The following SCHIP1 variants were observed in gnomAD, a reference collection of about 807,000 sequenced individuals.
The protein encoded by SCHIP1 is schwannomin-interacting protein 1.
SCHIP1 carries 8 observed loss-of-function variants against 29.7 expected under a neutral mutation model. The ratio of observed to expected loss-of-function variants is 0.27; its 90% confidence interval spans 0.16 to 0.49. SCHIP1 has a LOEUF of 0.49. Among genes scored for constraint, SCHIP1 ranks in the 20% least tolerant of loss-of-function variants. The pLI, the probability that SCHIP1 is intolerant of heterozygous loss-of-function variation, is 0.99. For synonymous variants in SCHIP1, 76 were observed against 94.9 expected (o/e 0.80, Z 1.16); for missense variants, 193 against 294.6 (o/e 0.66, Z 2.52).
the SCHIP1 span, among the ~76,000 whole-genome samples, chr3:159,434,598 G>A: frequency 6.6e-6 from 1 of 152,104 alleles, no homozygotes; most frequent in Non-Finnish European, 1.5e-5. Context: ...AAAGCAGGAG[G>A]CATGAGGAAT....
chr3:159,304,231 G>A, the SCHIP1 span, among the ~76,000 whole-genome samples: 1 of 152,066 alleles, frequency 6.6e-6, no homozygotes, highest in Non-Finnish European at 1.5e-5. Context: ...ATTACTATAA[G>A]TATTTTCCAT....
At chr3:159,336,383 C>T in the SCHIP1 span, among the ~76,000 whole-genome samples, 2 of 151,988 alleles carry the variant, frequency 1.3e-5, no homozygotes, top group Admixed American at 1.3e-4. Flanking sequence ...CTTTTGTTGC[C>T]ATTTGTTTTG....
the SCHIP1 span, among the ~76,000 whole-genome samples, chr3:159,626,221 T>G: frequency 1.6e-3 from 188 of 114,884 alleles, 12 homozygotes; most frequent in African/African-American, 0.011. Context: ...TATCTAGATA[T>G]ATATATATCT....
At chr3:159,283,513 CT>C in the SCHIP1 span, among the ~76,000 whole-genome samples, 56,724 of 145,306 alleles carry the variant, frequency 0.39, 10,702 homozygotes, top group Non-Finnish European at 0.42. Context: ...GGATTATTTC[CT>C]TTTTTTTTTT....
intron 1 of SCHIP1, among the ~76,000 whole-genome samples, chr3:159,848,467 T>G (rs1365868343): frequency 3.3e-5 from 5 of 152,326 alleles, no homozygotes; most frequent in South Asian, 4.1e-4. Context: ...ATTTTGTGTT[T>G]TCCATTCCTG....
the SCHIP1 span, among the ~76,000 whole-genome samples, chr3:159,464,647 T>C: frequency 2.8e-4 from 42 of 152,336 alleles, no homozygotes; most frequent in African/African-American, 9.9e-4. Context: ...CTGTATTTCC[T>C]GTAAATGGGA....
chr3:159,887,893 C>T (rs748065484), exon 4 of SCHIP1: 35 of 1,613,830 alleles, frequency 2.2e-5, no homozygotes, highest in Middle Eastern at 1.6e-4. Flanking sequence ...AAAAGTCTCC[C>T]GTCGCTGATC....
chr3:159,713,229 A>AAAGGAAGG, the SCHIP1 span, among the ~76,000 whole-genome samples: 2 of 106,702 alleles, frequency 1.9e-5, no homozygotes, highest in African/African-American at 8.4e-5. Flanking sequence ...AGAGAGAAAG[A>AAAGGAAGG]AAGGAAGAAA....
the SCHIP1 span, among the ~76,000 whole-genome samples, chr3:159,315,393 CTTT>C: frequency 4.9e-4 from 67 of 136,302 alleles, no homozygotes; most frequent in Non-Finnish European, 7.2e-4. Flanking sequence ...TATTTTCTTT[CTTT>C]TTTTTTTTTT....
At chr3:159,589,792 C>A in the SCHIP1 span, among the ~76,000 whole-genome samples, 2 of 152,072 alleles carry the variant, frequency 1.3e-5, no homozygotes, top group African/African-American at 4.8e-5. Context: ...GTTTACTGAG[C>A]AATATTCTGT....
At chr3:159,662,909 A>G in the SCHIP1 span, among the ~76,000 whole-genome samples, 1 of 152,224 alleles carries the variant, frequency 6.6e-6, no homozygotes, top group Non-Finnish European at 1.5e-5. Flanking sequence ...CCTAGACAAT[A>G]GAATGTTCAC....
chr3:159,802,152 T>C, the SCHIP1 span, among the ~76,000 whole-genome samples: 63 of 152,378 alleles, frequency 4.1e-4, no homozygotes, highest in Non-Finnish European at 8.5e-4. Context: ...CTTTATGTGC[T>C]GGGTGCATTG....
chr3:159,436,851 C>G, the SCHIP1 span, among the ~76,000 whole-genome samples: 1 of 152,034 alleles, frequency 6.6e-6, no homozygotes, highest in South Asian at 2.1e-4. Context: ...ATGGTATATA[C>G]CAGGAGTCTA....
chr3:159,737,501 A>G, the SCHIP1 span, among the ~76,000 whole-genome samples: 4 of 152,304 alleles, frequency 2.6e-5, no homozygotes, highest in South Asian at 4.1e-4. Flanking sequence ...TTGCCTTTCT[A>G]TATAATACCT....
At chr3:159,696,242 T>G in the SCHIP1 span, among the ~76,000 whole-genome samples, 1 of 152,166 alleles carries the variant, frequency 6.6e-6, no homozygotes, top group Non-Finnish European at 1.5e-5. Context: ...ATCCATGCAA[T>G]CCCTGTGTCA....
the SCHIP1 span, among the ~76,000 whole-genome samples, chr3:159,291,556 A>G: frequency 7.2e-5 from 11 of 152,272 alleles, no homozygotes; most frequent in East Asian, 2.1e-3. Context: ...ATGAAGCCAC[A>G]AGATGAAAGG....
chr3:159,572,697 T>C, the SCHIP1 span, among the ~76,000 whole-genome samples: 283 of 152,292 alleles, frequency 1.9e-3, 2 homozygotes, highest in African/African-American at 6.4e-3. Context: ...TTGATCTGTC[T>C]GATATTGACA....
At chr3:159,509,452 A>C in the SCHIP1 span, among the ~76,000 whole-genome samples, 1 of 152,212 alleles carries the variant, frequency 6.6e-6, no homozygotes, top group African/African-American at 2.4e-5. Flanking sequence ...TAATTGGAGC[A>C]TTTAGCCCAT....
chr3:159,377,752 A>G, the SCHIP1 span, among the ~76,000 whole-genome samples: 1 of 152,218 alleles, frequency 6.6e-6, no homozygotes, highest in Non-Finnish European at 1.5e-5. Context: ...CACTTTTTTA[A>G]AAGTGTCTTA....
Sources: gnomAD v4.1 joint callset for allele counts (sites outside exome capture counted in the v4.1 genomes callset) on GRCh38, gnomAD v4.1.1 for gene constraint, MANE v1.5 for transcripts, NCBI Gene and HGNC (gene_info 2026-07-23, HGNC 2026-07-21) for gene names.